The following KMT2A variants were observed in gnomAD, a reference collection of about 807,000 sequenced individuals.
KMT2A encodes histone-lysine N-methyltransferase 2A.
KMT2A carries 16 observed loss-of-function variants against 345.3 expected under a neutral mutation model. The observed-to-expected ratio is 0.05, with a 90% CI of 0.03 to 0.07. The LOEUF (loss-of-function observed/expected upper bound fraction) is 0.07. Ranked by LOEUF, KMT2A falls within the 10% of genes least tolerant of loss-of-function variation. The pLI is 1.00. For missense variants in KMT2A, 3,272 were observed against 4,841.6 expected (o/e 0.68, Z 9.62); for synonymous variants, 1,599 against 1,778.6 (o/e 0.90, Z 2.54).
intron 1 of KMT2A, among the ~76,000 whole-genome samples, chr11:118,441,505 T>G (rs1949313189): frequency 6.6e-6 from 1 of 152,162 alleles, no homozygotes; most frequent in Non-Finnish European, 1.5e-5. Flanking sequence ...TTTGGCTAAA[T>G]GTGTTGTCAT....
At chr11:118,438,085 G>A (rs541497419) in intron 1 of KMT2A, among the ~76,000 whole-genome samples, 81 of 152,278 alleles carry the variant, frequency 5.3e-4, no homozygotes, top group African/African-American at 1.9e-3. Context: ...TGGAAGGGGT[G>A]GGGGAAGCCA....
intron 3 of KMT2A, among the ~76,000 whole-genome samples, chr11:118,474,687 A>G (rs576669234): frequency 3.8e-4 from 58 of 152,302 alleles, no homozygotes; most frequent in African/African-American, 1.4e-3. Flanking sequence ...ATGTAATTAA[A>G]CCAGGGACTT....
chr11:118,471,006 G>A (rs1368752145), intron 2 of KMT2A, among the ~76,000 whole-genome samples: 1 of 152,164 alleles, frequency 6.6e-6, no homozygotes, highest in South Asian at 2.1e-4. Context: ...CTAAGCAGGG[G>A]AGTAGATTTA....
intron 10 of KMT2A, 189 bp from the exon 11 acceptor site, chr11:118,488,425 T>G: frequency 1.5e-6 from 1 of 665,210 alleles, no homozygotes; most frequent in Non-Finnish European, 2.7e-6. Flanking sequence ...ATTACCACTT[T>G]AGTACTCTGA....
chr11:118,486,032 G>A (rs1158067350), intron 10 of KMT2A, among the ~76,000 whole-genome samples: 3 of 152,150 alleles, frequency 2.0e-5, no homozygotes, highest in Non-Finnish European at 4.4e-5. Flanking sequence ...GCAGTGAGCC[G>A]AGATCGCCCC....
chr11:118,480,350 G>C (rs1950110191), intron 6 of KMT2A, 112 bp downstream of exon 6: 1 of 726,832 alleles, frequency 1.4e-6, no homozygotes, highest in Non-Finnish European at 2.3e-6. Context: ...CTCTTTCTCA[G>C]GGAGTAGATT....
chr11:118,493,275 G>A lies in KMT2A; in HGVS notation c.5178+45G>A. 1 of 1,538,294 alleles carries A rather than the reference G, an allele frequency of 6.5e-7. No individual in the cohort carries two copies. Among genetic ancestry groups the A allele is most frequent in the Non-Finnish European group, 9.0e-7 (1 of 1,117,296 alleles). On this transcript the variant is annotated intron_variant, in intron 16 of 35. Coordinates refer to ENST00000534358, the MANE Select transcript of KMT2A (RefSeq NM_001197104.2). This position sits in a 1 kb window ranked among gnomAD's most constrained non-coding sequence, Gnocchi z 5.8. ...CATCAGAATTTCTAGTGCCAATAAA[G>A]CTTCTTTGGACCTTTGGGGCATGAA...
At chr11:118,475,314 C>G (rs1555037263) in intron 3 of KMT2A, among the ~76,000 whole-genome samples, 1 of 151,642 alleles carries the variant, frequency 6.6e-6, no homozygotes, top group African/African-American at 2.4e-5. Context: ...TAGTCACTGG[C>G]CTTTTCTGAG....
At position 118,509,164 on chromosome 11, in the gene KMT2A, G is replaced by T. The variant is rs139119128; in HGVS notation, c.10864G>T (p.Val3622Leu). 1.9e-5 allele frequency: 31 copies of T among 1,613,732 alleles called. No homozygotes were observed. The highest frequency in any genetic ancestry group is 2.6e-5 in the Non-Finnish European group (31 of 1,179,866). Residue 3622 changes from valine to leucine, a missense_variant, in exon 29 of 36, where the codon GTG (valine) becomes TTG (leucine). By Grantham distance (32) the Val-to-Leu change is conservative. Around this residue, in one of 27 missense-constraint regions of KMT2A, gnomAD observed 748 missense variants for 922.2 expected, o/e 0.81. Coordinates refer to ENST00000534358, the MANE Select transcript of KMT2A (RefSeq NM_001197104.2). Reference sequence around the variant, plus strand: ...AGTCGCTGTTCTTCCGGAAGTTCAGGTGACCCAAAATCCAGCAAATGAACA... The same window carrying T: ...AGTCGCTGTTCTTCCGGAAGTTCAGTTGACCCAAAATCCAGCAAATGAACA... Reference protein sequence around the residue: ...GQVAVLPEVQVTQNPANEQES... With the variant: ...GQVAVLPEVQLTQNPANEQES...
At chr11:118,460,480 G>C (rs1035709346) in intron 1 of KMT2A, among the ~76,000 whole-genome samples, 21 of 151,886 alleles carry the variant, frequency 1.4e-4, no homozygotes, top group African/African-American at 4.6e-4. Flanking sequence ...TGGAGATGGG[G>C]GTCTCACCAT....
At position 118,501,113 on chromosome 11, in the gene KMT2A, C is replaced by T; in HGVS notation, c.6285C>T (p.Asn2095=). 6.2e-7 allele frequency: 1 copy of T among 1,614,092 alleles called. No individual in the cohort carries two copies. Among genetic ancestry groups the T allele is most frequent in the Non-Finnish European group, 8.5e-7 (1 of 1,179,996 alleles). ...DINSTVEHDE[N]RTIAHSPTSF... is the part of the protein sequence containing the mutation. ...ACAGCACTGTTGAACATGATGAAAA[C>T]AGGACCATTGCCCATAGTCCAACAT... The change falls in exon 25 of 36, where the codon AAC becomes AAT. Residue 2095 remains asparagine, a synonymous_variant. Coordinates refer to ENST00000534358, the MANE Select transcript of KMT2A (RefSeq NM_001197104.2).
At chr11:118,509,241 T>C in intron 29 of KMT2A, 41 bp downstream of exon 29, 1 of 1,474,634 alleles carries the variant, frequency 6.8e-7, no homozygotes, top group Non-Finnish European at 9.4e-7. Flanking sequence ...AGAATATCAA[T>C]GCTAAAAGGA....
intron 1 of KMT2A, chr11:118,449,242 T>C (rs944254906): frequency 1.3e-5 from 2 of 151,878 alleles, no homozygotes; most frequent in African/African-American, 4.8e-5. Flanking sequence ...ATTTGAATAT[T>C]CCTAAAAAAT....
At position 118,520,423 on chromosome 11, in the gene KMT2A, C is replaced by T. The variant is rs1001785613; in HGVS notation, c.11429+359C>T. 14 of 327,810 alleles carry T rather than the reference C, an allele frequency of 4.3e-5. No individual in the cohort carries two copies. Among genetic ancestry groups the T allele is most frequent in the East Asian group, 2.5e-4 (4 of 16,246 alleles). The allele number at this position is 327,810 out of a possible 1,614,324, so 20.3% of individuals were successfully genotyped here. On this transcript the variant is annotated intron_variant, in intron 33 of 35. Coordinates refer to ENST00000534358, the MANE Select transcript of KMT2A (RefSeq NM_001197104.2). The surrounding 1 kb of genome is among the most constrained non-coding windows in gnomAD (Gnocchi z 4.3). Reference sequence around the variant, plus strand: ...ATTCCAGCACTTTGGAAGTCCGAGGCGGACAGATCATGAGGTCAGGAGTTC... The same window carrying T: ...ATTCCAGCACTTTGGAAGTCCGAGGTGGACAGATCATGAGGTCAGGAGTTC...
At chr11:118,459,465 G>A (rs1949705908) in intron 1 of KMT2A, among the ~76,000 whole-genome samples, 1 of 152,158 alleles carries the variant, frequency 6.6e-6, no homozygotes, top group Admixed American at 6.5e-5. Context: ...ATTAAGTGCT[G>A]TGAAGTACCT....
chr11:118,480,701 C>T (rs868923836), intron 6 of KMT2A, among the ~76,000 whole-genome samples: 7 of 152,020 alleles, frequency 4.6e-5, no homozygotes, highest in African/African-American at 1.7e-4. Context: ...CTCACTCTGT[C>T]TTTCAGGCTG....
At chr11:118,437,971 C>G (rs1366689222) in intron 1 of KMT2A, among the ~76,000 whole-genome samples, 1 of 152,118 alleles carries the variant, frequency 6.6e-6, no homozygotes, top group Non-Finnish European at 1.5e-5. Context: ...CTACCCCACC[C>G]ACTGCGCCTG....
chr11:118,462,072 G>A (rs560993536), intron 1 of KMT2A, among the ~76,000 whole-genome samples: 39 of 152,256 alleles, frequency 2.6e-4, no homozygotes, highest in African/African-American at 9.2e-4. Context: ...TCGTGCCTCA[G>A]CCTCCCGAGT....
intron 6 of KMT2A, among the ~76,000 whole-genome samples, 199 bp downstream of exon 6, chr11:118,480,437 TAATA>T (rs1950111230): frequency 6.6e-6 from 1 of 152,106 alleles, no homozygotes; most frequent in Non-Finnish European, 1.5e-5. Context: ...AAATTTTCCA[TAATA>T]AATTTTTTAA....
Sources: gnomAD v4.1 joint callset for allele counts (sites outside exome capture counted in the v4.1 genomes callset) on GRCh38, gnomAD v4.1.1 for gene constraint, gnomAD v4.1.1 regional missense constraint, Gnocchi (gnomAD v3.1) non-coding constraint, MANE v1.5 for transcripts, NCBI Gene and HGNC (gene_info 2026-07-23, HGNC 2026-07-21) for gene names.